The following RAB2B variants were observed in gnomAD, a reference collection of about 807,000 sequenced individuals.
RAB2B encodes ras-related protein Rab-2B.
In RAB2B, 20 loss-of-function variants were observed where a neutral mutation model predicts 29.8. That is an observed-to-expected ratio of 0.67 (90% CI 0.47 to 0.97). The LOEUF is 0.97. Ranked by LOEUF, RAB2B falls within the 50% of genes least tolerant of loss-of-function variation. The pLI, the probability that RAB2B is intolerant of heterozygous loss-of-function variation, is 0.00. For synonymous variants in RAB2B, 93 were observed against 91.7 expected (o/e 1.01, Z -0.08); for missense variants, 218 against 272.0 (o/e 0.80, Z 1.40).
At chr14:21,468,235 C>CA in intron 5 of RAB2B, 122 bp downstream of exon 5, 1 of 695,560 alleles carries the variant, frequency 1.4e-6, no homozygotes. Context: ...TTTATCACAA[C>CA]AAAATTTTTT....
chr14:21,459,555 A>C lies in RAB2B; in HGVS notation c.*1641T>G, dbSNP rs1890489579. 1 of 152,256 alleles carries C rather than the reference A, an allele frequency of 6.6e-6. No homozygotes were observed. Among genetic ancestry groups the C allele is most frequent in the Non-Finnish European group, 1.5e-5 (1 of 68,056 alleles). The allele number at this position is 152,256 out of a possible 1,614,324, so 9.4% of individuals were successfully genotyped here. A position where few individuals can be genotyped will look rare whatever the true frequency, so the allele number is the denominator to read the frequency against. On this transcript the variant is annotated 3_prime_UTR_variant, in exon 8 of 8. Coordinates refer to ENST00000397762, the MANE Select transcript of RAB2B (RefSeq NM_032846.4). ...AGGAATGACATGGATCCTGCTCTCA[A>C]GGAGCTTACAACTTATACGGAAAGA... is the stretch of plus-strand genomic sequence containing the variant.
Position 21,460,374 on chromosome 14 carries a change from C to G in RAB2B, c.*822G>C, listed in dbSNP as rs1890515176. The stretch of plus-strand genomic sequence containing the variant: ...GGCCAAGGTGGGCGGATCACGAGGT[C>G]AAGAGATCAAGACCATCCTGGCCAA... On this transcript the variant is annotated 3_prime_UTR_variant, in exon 8 of 8. Coordinates refer to ENST00000397762, the MANE Select transcript of RAB2B (RefSeq NM_032846.4). The G allele has an allele frequency of 2.0e-6, 1 of 488,272 alleles. No homozygotes were observed. The allele number at this position is 488,272 out of a possible 1,614,324, so 30.2% of individuals were successfully genotyped here.
chr14:21,460,078 A>G lies in RAB2B; in HGVS notation c.*1118T>C. The G allele has an allele frequency of 4.0e-6, 2 of 505,380 alleles. No individual in the cohort carries two copies. Among genetic ancestry groups the G allele is most frequent in the Non-Finnish European group, 3.9e-6 (1 of 253,916 alleles). 31.3% of individuals were successfully genotyped at this position (505,380 alleles called of 1,614,324 possible). A position where few individuals can be genotyped will look rare whatever the true frequency, so the allele number is the denominator to read the frequency against. On this transcript the variant is annotated 3_prime_UTR_variant, in exon 8 of 8. Coordinates refer to ENST00000397762, the MANE Select transcript of RAB2B (RefSeq NM_032846.4). ...ATAATAGGATAGTAGAGAAGTACTCAGTGCTCTTGGGCAAGTAGAGGAAAC... is the reference window on the plus strand; with the variant it reads ...ATAATAGGATAGTAGAGAAGTACTCGGTGCTCTTGGGCAAGTAGAGGAAAC...
chr14:21,465,414 T>G (rs1368252084), intron 5 of RAB2B, among the ~76,000 whole-genome samples: 1 of 152,260 alleles, frequency 6.6e-6, no homozygotes. Flanking sequence ...AACCAAAGTG[T>G]TATTATTGAT....
chr14:21,462,035 T>A (rs1467630396), intron 7 of RAB2B, among the ~76,000 whole-genome samples: 1 of 152,178 alleles, frequency 6.6e-6, no homozygotes, highest in East Asian at 1.9e-4. Flanking sequence ...CCTAAGCAAT[T>A]ATGAATTATA....
chr14:21,471,609 C>A (rs1328060395), intron 3 of RAB2B, among the ~76,000 whole-genome samples: 2 of 144,660 alleles, frequency 1.4e-5, no homozygotes, highest in Admixed American at 7.0e-5. Flanking sequence ...CAGAGCAAGA[C>A]CCTGTCAAAA....
At position 21,460,373 on chromosome 14, in the gene RAB2B, T is replaced by G. The variant is rs1373274517; in HGVS notation, c.*823A>C. On this transcript the variant is annotated 3_prime_UTR_variant, in exon 8 of 8. Coordinates refer to ENST00000397762, the MANE Select transcript of RAB2B (RefSeq NM_032846.4). ...AGGCCAAGGTGGGCGGATCACGAGG[T>G]CAAGAGATCAAGACCATCCTGGCCA... The G allele has an allele frequency of 2.0e-6, 1 of 488,314 alleles. No individual in the cohort carries two copies. 30.2% of individuals were successfully genotyped at this position (488,314 alleles called of 1,614,324 possible).
chr14:21,459,649 A>G lies in RAB2B; in HGVS notation c.*1547T>C, dbSNP rs1890492579. The G allele has an allele frequency of 6.6e-6, 1 of 152,438 alleles. No individual in the cohort carries two copies. The highest frequency in any genetic ancestry group is 2.1e-4 in the South Asian group (1 of 4,848). The allele number at this position is 152,438 out of a possible 1,614,324, so 9.4% of individuals were successfully genotyped here. A position where few individuals can be genotyped will look rare whatever the true frequency, so the allele number is the denominator to read the frequency against. On this transcript the variant is annotated 3_prime_UTR_variant, in exon 8 of 8. Transcript: ENST00000397762. ...AACATACATAAAAATAAATATACATATAAATAGACATATGAATAACCAACA... is the reference window on the plus strand; with the variant it reads ...AACATACATAAAAATAAATATACATGTAAATAGACATATGAATAACCAACA...
At position 21,476,923 on chromosome 14, in the gene RAB2B, C is replaced by T; in HGVS notation, c.-51G>A. 1 of 1,587,402 alleles carries T rather than the reference C, an allele frequency of 6.3e-7. No individual in the cohort carries two copies. Among genetic ancestry groups the T allele is most frequent in the Non-Finnish European group, 8.6e-7 (1 of 1,158,044 alleles). Reference sequence around the variant, plus strand: ...TCCGCCCGACTTCTATAGCCACTTACCTCCGACCTCTCTAGCCACTCAATC... The same window carrying T: ...TCCGCCCGACTTCTATAGCCACTTATCTCCGACCTCTCTAGCCACTCAATC... On this transcript the variant is annotated 5_prime_UTR_variant, in exon 1 of 8. Transcript: ENST00000397762.
Position 21,468,348 on chromosome 14 carries a change from C to G in RAB2B, c.362+9G>C. ...CTGTTAACTATTATTCACATGGATA[C>G]AATTTTACCTCTTATTCCCAATGAG... On this transcript the variant is annotated intron_variant, in intron 5 of 7. Transcript: ENST00000397762. 6.2e-7 allele frequency: 1 copy of G among 1,605,140 alleles called. No individual in the cohort carries two copies. Among genetic ancestry groups the G allele is most frequent in the South Asian group, 1.1e-5 (1 of 90,808 alleles).
At position 21,468,492 on chromosome 14, in the gene RAB2B, A is replaced by G. The variant is rs376640861; in HGVS notation, c.270-43T>C. The G allele has an allele frequency of 3.8e-6, 6 of 1,569,018 alleles. No individual in the cohort carries two copies. In the African/African-American group the frequency reaches 5.4e-5, roughly 14 times the overall value. The stretch of plus-strand genomic sequence containing the variant: ...AGAATGTGGGTCAGAGACACATTTC[A>G]AAAGGCCAAAACAACTCCAAGCGTA... On this transcript the variant is annotated intron_variant, in intron 4 of 7. Coordinates refer to ENST00000397762, the MANE Select transcript of RAB2B (RefSeq NM_032846.4).
At chr14:21,476,653 G>C (rs764754665) in intron 1 of RAB2B, 54 bp from the exon 2 acceptor site, 2 of 1,613,462 alleles carry the variant, frequency 1.2e-6, no homozygotes, top group Admixed American at 1.7e-5. Context: ...ACCTTCCAGA[G>C]TATGGACTTC....
At chr14:21,465,367 G>A (rs1021332691) in intron 5 of RAB2B, among the ~76,000 whole-genome samples, 1 of 152,226 alleles carries the variant, frequency 6.6e-6, no homozygotes, top group African/African-American at 2.4e-5. Flanking sequence ...TGTGTTTGCT[G>A]CAGGCTTCTG....
At chr14:21,476,463 T>C (rs1594419334) in intron 2 of RAB2B, 65 bp downstream of exon 2, 1 of 1,597,934 alleles carries the variant, frequency 6.3e-7, no homozygotes, top group Admixed American at 1.7e-5. Flanking sequence ...GCTGCTAACT[T>C]TCCACTTTAG....
chr14:21,459,999 G>C lies in RAB2B; in HGVS notation c.*1197C>G, dbSNP rs1420763731. 2.8e-6 allele frequency: 1 copy of C among 358,948 alleles called. No homozygotes were observed. Among genetic ancestry groups the C allele is most frequent in the Non-Finnish European group, 5.5e-6 (1 of 180,706 alleles). 22.2% of individuals were successfully genotyped at this position (358,948 alleles called of 1,614,324 possible). ...TAATAATAAGTGGCCACATGTCCCT[G>C]ACCAACTTCACTGCTCTTAAAAGTT... On this transcript the variant is annotated 3_prime_UTR_variant, in exon 8 of 8. Transcript: ENST00000397762.
intron 5 of RAB2B, among the ~76,000 whole-genome samples, chr14:21,467,054 G>A (rs113960144): frequency 0.13 from 20,489 of 152,076 alleles, 1,615 homozygotes; most frequent in Admixed American, 0.22. Context: ...CTAGAGGTGC[G>A]TGCCACCACG....
chr14:21,467,732 A>C (rs1434799442), intron 5 of RAB2B, among the ~76,000 whole-genome samples: 1 of 152,204 alleles, frequency 6.6e-6, no homozygotes, highest in Non-Finnish European at 1.5e-5. Flanking sequence ...ACCCAAAAGA[A>C]TTCAGAGCTG....
intron 7 of RAB2B, among the ~76,000 whole-genome samples, chr14:21,462,067 G>GTAAAAAA (rs1324460545): frequency 6.6e-6 from 1 of 152,106 alleles, no homozygotes; most frequent in Non-Finnish European, 1.5e-5. Context: ...TTCTAGAATA[G>GTAAAAAA]TAAAAAACTG....
At chr14:21,474,373 T>G (rs1890895897) in intron 3 of RAB2B, 1 of 155,634 alleles carries the variant, frequency 6.4e-6, no homozygotes, top group East Asian at 1.9e-4. Flanking sequence ...AACATAGAGA[T>G]TGTTTAATAT....
Sources: gnomAD v4.1 joint callset for allele counts (sites outside exome capture counted in the v4.1 genomes callset) on GRCh38, gnomAD v4.1.1 for gene constraint, MANE v1.5 for transcripts, NCBI Gene and HGNC (gene_info 2026-07-23, HGNC 2026-07-21) for gene names.